Variants in LMCD1 observed in about 807,000 individuals in gnomAD.
LMCD1 encodes LIM and cysteine-rich domains protein 1.
In LMCD1, 32 loss-of-function variants were observed where a neutral mutation model predicts 42.7. That is an observed-to-expected ratio of 0.75 (90% CI 0.57 to 1.01). The LOEUF is 1.01. LMCD1 is among the 50% of genes least tolerant of loss of function. The pLI is 0.00. For synonymous variants in LMCD1, 178 were observed against 184.9 expected (o/e 0.96, Z 0.30); for missense variants, 458 against 483.1 (o/e 0.95, Z 0.49).
intron 3 of LMCD1, among the ~76,000 whole-genome samples, 194 bp from the exon 4 acceptor site, chr3:8,548,374 G>T (rs1479017731): frequency 6.6e-6 from 1 of 152,014 alleles, no homozygotes; most frequent in Non-Finnish European, 1.5e-5. Flanking sequence ...GGACAGTATT[G>T]CTTTTGTAAT....
chr3:8,557,543 G>C (rs912361192), intron 4 of LMCD1, among the ~76,000 whole-genome samples: 1 of 152,114 alleles, frequency 6.6e-6, no homozygotes, highest in Non-Finnish European at 1.5e-5. Flanking sequence ...TGCTGATTTA[G>C]AGCCTTCTCA....
At chr3:8,511,002 G>T (rs1005352685) in intron 1 of LMCD1, among the ~76,000 whole-genome samples, 2 of 152,178 alleles carry the variant, frequency 1.3e-5, no homozygotes, top group Non-Finnish European at 2.9e-5. Context: ...AGCTGTAGTG[G>T]ATTGAGGTCT....
At chr3:8,514,035 A>G (rs538625680) in intron 1 of LMCD1, among the ~76,000 whole-genome samples, 1 of 152,214 alleles carries the variant, frequency 6.6e-6, no homozygotes, top group African/African-American at 2.4e-5. Flanking sequence ...TTTGACCTTC[A>G]TTTTGAATAT....
intron 1 of LMCD1, among the ~76,000 whole-genome samples, chr3:8,516,488 A>C (rs758759372): frequency 6.6e-6 from 1 of 152,188 alleles, no homozygotes. Flanking sequence ...AAAGTGGCGG[A>C]ATCATTGCCA....
Position 8,550,678 on chromosome 3 carries a change from T to TA in LMCD1, c.723+1781dup, listed in dbSNP as rs564791057. On this transcript the variant is annotated intron_variant, in intron 4 of 5. Coordinates refer to ENST00000157600, the MANE Select transcript of LMCD1 (RefSeq NM_014583.4). ...AGGAAGAATACATGTCCTAAGGATG[T>TA]AAAAAAGAAAAAAATATTAGATCTA... 5.4e-5 allele frequency: 53 copies of TA among 984,938 alleles called. No individual in the cohort carries two copies. In the African/African-American group the frequency reaches 8.7e-4, roughly 16 times the overall value. The allele number at this position is 984,938 out of a possible 1,614,324, so 61.0% of individuals were successfully genotyped here. A position where few individuals can be genotyped will look rare whatever the true frequency, so the allele number is the denominator to read the frequency against.
chr3:8,548,783 C>T lies in LMCD1; in HGVS notation c.603C>T (p.Leu201=), dbSNP rs574456559. ...SEALGVGEVA[L]PGQGGLPKEE... ...CCCTCGGCGTGGGAGAAGTGGCCCT[C>T]CCGGGGCAGGGTGGCTTGCCCAAGG... is the stretch of plus-strand genomic sequence containing the variant. Residue 201 remains leucine, a synonymous_variant, in exon 4 of 6, where the codon CTC becomes CTT. Transcript: ENST00000157600. 43 of 1,611,536 alleles carry T rather than the reference C, an allele frequency of 2.7e-5. No homozygotes were observed. The South Asian group carries it at 4.4e-4, about 16-fold the overall frequency.
chr3:8,508,063 TAAAG>T (rs1346320097), intron 1 of LMCD1, among the ~76,000 whole-genome samples: 2 of 152,214 alleles, frequency 1.3e-5, no homozygotes, highest in African/African-American at 4.8e-5. Flanking sequence ...GGGTATAGAA[TAAAG>T]ACTTTCTTGA....
chr3:8,565,309 A>T, intron 4 of LMCD1, 123 bp from the exon 5 acceptor site: 1 of 761,250 alleles, frequency 1.3e-6, no homozygotes, highest in South Asian at 1.6e-5. Context: ...CTGAGGCACG[A>T]AGAGGTATAG....
intron 5 of LMCD1, among the ~76,000 whole-genome samples, chr3:8,565,862 G>T (rs538247505): frequency 6.6e-6 from 1 of 152,322 alleles, no homozygotes; most frequent in African/African-American, 2.4e-5. Context: ...ACACAGTGCC[G>T]GTGAATCTTG....
intron 3 of LMCD1, among the ~76,000 whole-genome samples, chr3:8,544,083 A>T (rs1694687172): frequency 3.3e-5 from 5 of 152,140 alleles, no homozygotes; most frequent in South Asian, 2.1e-4. Context: ...TTTGACAGGA[A>T]TCCACCGTCT....
At chr3:8,537,138 T>C (rs1400228018) in intron 2 of LMCD1, 47 bp from the exon 3 acceptor site, 3 of 1,587,030 alleles carry the variant, frequency 1.9e-6, no homozygotes, top group Non-Finnish European at 2.6e-6. Flanking sequence ...AATGTGCCTC[T>C]TTTTCCTGGA....
chr3:8,519,640 G>A (rs575849934), intron 1 of LMCD1, among the ~76,000 whole-genome samples: 2 of 151,696 alleles, frequency 1.3e-5, no homozygotes, highest in South Asian at 4.1e-4. Flanking sequence ...AGTATATATA[G>A]TGTGTACAAT....
chr3:8,545,282 G>A (rs1694713700), intron 3 of LMCD1, among the ~76,000 whole-genome samples: 1 of 151,932 alleles, frequency 6.6e-6, no homozygotes. Flanking sequence ...ATTCAGTTTT[G>A]AGAGAAACAA....
At chr3:8,529,996 C>T (rs1574957039) in intron 1 of LMCD1, among the ~76,000 whole-genome samples, 1 of 152,156 alleles carries the variant, frequency 6.6e-6, no homozygotes, top group African/African-American at 2.4e-5. Flanking sequence ...AGCCTACTTG[C>T]CCAAGTACAG....
intron 3 of LMCD1, among the ~76,000 whole-genome samples, chr3:8,547,213 A>G (rs375680198): frequency 6.6e-6 from 1 of 152,228 alleles, no homozygotes; most frequent in African/African-American, 2.4e-5. Context: ...GATGCAAACA[A>G]GTGTCTCTTT....
chr3:8,548,651 C>T lies in LMCD1; in HGVS notation c.471C>T (p.Leu157=). Residue 157 remains leucine, a synonymous_variant, in exon 4 of 6, where the codon CTC becomes CTT. Coordinates refer to ENST00000157600, the MANE Select transcript of LMCD1 (RefSeq NM_014583.4). ...TEGAFYRRRQ[L]MHQLPIYDQD... Reference sequence around the variant, plus strand: ...GTGCCTTTTACCGCCGCCGCCAGCTCATGCACCAGCTCCCCATCTATGACC... The same window carrying T: ...GTGCCTTTTACCGCCGCCGCCAGCTTATGCACCAGCTCCCCATCTATGACC... 6.2e-7 allele frequency: 1 copy of T among 1,614,222 alleles called. No individual in the cohort carries two copies. Among genetic ancestry groups the T allele is most frequent in the Non-Finnish European group, 8.5e-7 (1 of 1,180,036 alleles).
intron 1 of LMCD1, chr3:8,514,897 A>G (rs920342446): frequency 9.9e-5 from 45 of 455,486 alleles, no homozygotes; most frequent in African/African-American, 8.8e-4. Flanking sequence ...TTTCTGGGCC[A>G]CTGAAAATAT....
chr3:8,537,612 G>C, intron 3 of LMCD1, 172 bp downstream of exon 3: 1 of 683,284 alleles, frequency 1.5e-6, no homozygotes, highest in Non-Finnish European at 2.3e-6. Context: ...GAGAAATGAA[G>C]ACTATCTGGG....
At position 8,574,647 on chromosome 3, in the gene LMCD1, A is replaced by G. The variant is rs1695275246; in HGVS notation, c.*7049A>G. 6.6e-6 allele frequency: 1 copy of G among 152,220 alleles called. No individual in the cohort carries two copies. The allele number at this position is 152,220 out of a possible 1,614,324, so 9.4% of individuals were successfully genotyped here. A position where few individuals can be genotyped will look rare whatever the true frequency, so the allele number is the denominator to read the frequency against. On this transcript the variant is annotated 3_prime_UTR_variant, in exon 6 of 6. Coordinates refer to ENST00000157600, the MANE Select transcript of LMCD1 (RefSeq NM_014583.4). ...ATAAGGCAAATGTTTTTAAAGGCCT[A>G]AATAAAATGATATTCCCTGAAGGAA... is the stretch of plus-strand genomic sequence containing the variant.
Sources: allele counts gnomAD v4.1 joint callset (sites outside exome capture counted in the v4.1 genomes callset), GRCh38; gene constraint gnomAD v4.1.1; transcripts MANE v1.5; gene names NCBI Gene and HGNC (gene_info 2026-07-23, HGNC 2026-07-21).